Variants in PDE3A observed in about 807,000 individuals in gnomAD.
PDE3A encodes the protein cGMP-inhibited 3',5'-cyclic phosphodiesterase 3A.
A neutral mutation model predicts 98.3 loss-of-function variants in PDE3A; 43 were observed. That is an observed-to-expected ratio of 0.44 (90% confidence interval 0.34 to 0.56). The LOEUF (loss-of-function observed/expected upper bound fraction) is 0.56. PDE3A is among the 20% of genes least tolerant of loss of function. The pLI is 0.01. For missense variants in PDE3A, 1,427 were observed against 1,440.7 expected, an observed-to-expected ratio of 0.99 and a Z score of 0.15; for synonymous variants, 663 against 567.9, an observed-to-expected ratio of 1.17 and a Z score of -2.38.
At chr12:20,541,016 C>G (rs989461737) in intron 1 of PDE3A, among the ~76,000 whole-genome samples, 6 of 146,186 alleles carry the variant, frequency 4.1e-5, no homozygotes, top group African/African-American at 7.5e-5. Flanking sequence ...AATCAAAAAA[C>G]CAAGTATCCT....
intron 6 of PDE3A, among the ~76,000 whole-genome samples, chr12:20,631,698 GTA>G (rs1491269740): frequency 0.21 from 9,370 of 44,284 alleles, 329 homozygotes; most frequent in South Asian, 0.31. Flanking sequence ...TCATCATAGT[GTA>G]TTTTTTTTTT....
chr12:20,437,053 T>TTGTG (rs57301891), intron 1 of PDE3A, among the ~76,000 whole-genome samples: 6 of 150,022 alleles, frequency 4.0e-5, no homozygotes, highest in African/African-American at 1.5e-4. Flanking sequence ...AAATTTAAGA[T>TTGTG]TGTGTGTGTG....
intron 1 of PDE3A, among the ~76,000 whole-genome samples, chr12:20,477,444 G>A (rs760564834): frequency 3.3e-5 from 5 of 152,088 alleles, no homozygotes; most frequent in Non-Finnish European, 5.9e-5. Context: ...GTTGCTGATC[G>A]GCAATAATGA....
At chr12:20,574,760 A>T (rs751947479) in intron 2 of PDE3A, among the ~76,000 whole-genome samples, 59 of 152,130 alleles carry the variant, frequency 3.9e-4, no homozygotes, top group Non-Finnish European at 6.3e-4. Context: ...TCAACTTACA[A>T]GGTCACATTT....
chr12:20,448,925 G>C (rs969682562), intron 1 of PDE3A, among the ~76,000 whole-genome samples: 1 of 151,910 alleles, frequency 6.6e-6, no homozygotes, highest in African/African-American at 2.4e-5. Flanking sequence ...AAGAGGTCTT[G>C]TTACAAAAGA....
At position 20,490,495 on chromosome 12, in the gene PDE3A, G is replaced by C. The variant is rs537248952; in HGVS notation, c.961-66165G>C. Among the ~76,000 whole-genome samples, 5 of 152,238 alleles carry C rather than the reference G, an allele frequency of 3.3e-5. 1 individual carries two copies. Among genetic ancestry groups the C allele is most frequent in the African/African-American group, 1.2e-4 (5 of 41,552 alleles). The stretch of plus-strand genomic sequence containing the variant: ...TGCTGCATGGAAAGGAGAATATAAG[G>C]CTTCTCAGCACAGTGGCTAAGCAGA... On this transcript the variant is annotated intron_variant, in intron 1 of 15. Coordinates refer to ENST00000359062, the MANE Select transcript of PDE3A (RefSeq NM_000921.5).
intron 1 of PDE3A, among the ~76,000 whole-genome samples, chr12:20,544,164 A>G (rs910376358): frequency 2.7e-5 from 4 of 149,306 alleles, no homozygotes; most frequent in Middle Eastern, 3.3e-3. Flanking sequence ...TAAATATAAA[A>G]CATTATATAT....
At chr12:20,628,157 C>A (rs1944309364) in intron 5 of PDE3A, among the ~76,000 whole-genome samples, 1 of 151,974 alleles carries the variant, frequency 6.6e-6, no homozygotes, top group Non-Finnish European at 1.5e-5. Context: ...CTAGAGTTTC[C>A]AAATAAAATA....
At chr12:20,644,851 C>T (rs1289386053) in intron 10 of PDE3A, among the ~76,000 whole-genome samples, 125 of 140,176 alleles carry the variant, frequency 8.9e-4, no homozygotes, top group Non-Finnish European at 1.6e-3. Context: ...TCCTCCTCCT[C>T]CCCCTCCTCC....
chr12:20,397,440 ATTATAC>A (rs983257155), intron 1 of PDE3A, among the ~76,000 whole-genome samples: 13 of 152,116 alleles, frequency 8.5e-5, no homozygotes, highest in East Asian at 7.7e-4. Flanking sequence ...CATATAAAGA[ATTATAC>A]TTATGGTATA....
chr12:20,550,781 A>G (rs1942178780), intron 1 of PDE3A, among the ~76,000 whole-genome samples: 1 of 151,996 alleles, frequency 6.6e-6, no homozygotes. Context: ...TTTACCTATT[A>G]TACTGTGAAC....
chr12:20,542,277 T>C (rs1941933802), intron 1 of PDE3A, among the ~76,000 whole-genome samples: 1 of 152,096 alleles, frequency 6.6e-6, no homozygotes, highest in Non-Finnish European at 1.5e-5. Context: ...TTCTCATTTA[T>C]AAGACTTAAA....
rs1216832451 is a variant in PDE3A, at chr12:20,369,294, C to A, written c.10C>A (p.Pro4Thr). The change falls in exon 1 of 16, where the codon CCC becomes ACC. Residue 4 changes from proline to threonine, a missense_variant. Coordinates refer to ENST00000359062, the MANE Select transcript of PDE3A (RefSeq NM_000921.5). MAV[P>T]GDAARVRDKP... ...GAGGGCACCCTATACCATGGCAGTG[C>A]CCGGCGACGCTGCACGAGTCAGGGA... 2 of 1,518,840 alleles carry A rather than the reference C, an allele frequency of 1.3e-6. No homozygotes were observed. The highest frequency in any genetic ancestry group is 4.1e-5 in the Admixed American group (2 of 48,594). The allele number at this position is 1,518,840 out of a possible 1,614,324, so 94.1% of individuals were successfully genotyped here. A position where few individuals can be genotyped will look rare whatever the true frequency, so the allele number is the denominator to read the frequency against.
In PDE3A at chr12:20,552,747, G is replaced by A. The variant is rs1172117377; in HGVS notation, c.961-3913G>A. The A allele has an allele frequency of 7.4e-6, 12 of 1,614,070 alleles. No homozygotes were observed. The highest frequency in any genetic ancestry group is 2.2e-5 in the South Asian group (2 of 91,088). ...TGGCGTCACTCAAGGACCGGCCGGCGAGCGGCAGCCCGTTCCAGTTGTTCC... is the reference window on the plus strand; with the variant it reads ...TGGCGTCACTCAAGGACCGGCCGGCAAGCGGCAGCCCGTTCCAGTTGTTCC... On this transcript the variant is annotated intron_variant, in intron 1 of 15. Transcript: ENST00000359062. The surrounding 1 kb of genome is among the most constrained non-coding windows in gnomAD (Gnocchi z 5.1).
At chr12:20,398,654 TTAAA>T (rs1944065306) in intron 1 of PDE3A, among the ~76,000 whole-genome samples, 1 of 152,074 alleles carries the variant, frequency 6.6e-6, no homozygotes, top group South Asian at 2.1e-4. Context: ...AATATATAAA[TTAAA>T]TGAATGGAAA....
At chr12:20,430,933 T>A (rs1048599337) in intron 1 of PDE3A, among the ~76,000 whole-genome samples, 1 of 152,172 alleles carries the variant, frequency 6.6e-6, no homozygotes, top group Non-Finnish European at 1.5e-5. Flanking sequence ...GCTATAGATA[T>A]CTTACCCGTC....
chr12:20,621,150 C>T (rs1183103160), intron 4 of PDE3A, 146 bp from the exon 5 acceptor site: 5 of 611,130 alleles, frequency 8.2e-6, no homozygotes, highest in South Asian at 2.0e-5. Context: ...TTTGGAAGTA[C>T]AGTGGTTCTG....
At chr12:20,370,914 G>A (rs1235140454) in intron 1 of PDE3A, among the ~76,000 whole-genome samples, 4 of 152,076 alleles carry the variant, frequency 2.6e-5, no homozygotes, top group Non-Finnish European at 5.9e-5. Context: ...TTCAACTTGG[G>A]GAATAATATG....
intron 15 of PDE3A, among the ~76,000 whole-genome samples, chr12:20,665,775 C>T (rs977912827): frequency 6.6e-6 from 1 of 151,804 alleles, no homozygotes; most frequent in Non-Finnish European, 1.5e-5. Context: ...GCATAGAGTG[C>T]TCTTATGTTA....
Sources: allele counts gnomAD v4.1 joint callset (sites outside exome capture counted in the v4.1 genomes callset), GRCh38; gene constraint gnomAD v4.1.1; non-coding constraint Gnocchi (gnomAD v3.1); transcripts MANE v1.5; gene names NCBI Gene and HGNC (gene_info 2026-07-23, HGNC 2026-07-21).